The following VIPR2 variants were observed in gnomAD, a reference collection of about 807,000 sequenced individuals.
VIPR2 encodes vasoactive intestinal polypeptide receptor 2.
In VIPR2, 48 loss-of-function variants were observed where a neutral mutation model predicts 58.0. That is an observed-to-expected ratio of 0.83 (90% CI 0.66 to 1.05). The LOEUF is 1.05. Among genes scored for constraint, VIPR2 ranks in the 50% least tolerant of loss-of-function variants. VIPR2 has a pLI of 0.00. For synonymous variants in VIPR2, 243 were observed against 235.2 expected (o/e 1.03, Z -0.30); for missense variants, 534 against 558.0 (o/e 0.96, Z 0.43).
intron 2 of VIPR2, among the ~76,000 whole-genome samples, chr7:159,119,522 C>T (rs1796373477): frequency 6.6e-6 from 1 of 152,198 alleles, no homozygotes; most frequent in South Asian, 2.1e-4. Context: ...GTGGAGGCAG[C>T]GGTGCGAGGC....
intron 10 of VIPR2, 42 bp downstream of exon 10, chr7:159,034,170 CG>C: frequency 1.3e-6 from 2 of 1,593,340 alleles, no homozygotes; most frequent in Non-Finnish European, 1.7e-6. Context: ...TGTCTCCACA[CG>C]GCATCCCCAT....
intron 1 of VIPR2, among the ~76,000 whole-genome samples, chr7:159,143,102 G>T (rs954884700): frequency 5.3e-5 from 8 of 152,238 alleles, no homozygotes; most frequent in African/African-American, 1.9e-4. Flanking sequence ...GGAGGCAGAG[G>T]TGGGGGAATC....
rs1480061995 is a variant in VIPR2 at position 159,031,846 on chromosome 7, G to C, written c.1125C>G (p.Tyr375Ter). Residue 375 changes from tyrosine to a stop codon, truncating the protein, a stop_gained, in exon 12 of 13, where the codon TAC becomes TAG. Coordinates refer to ENST00000262178, the MANE Select transcript of VIPR2 (RefSeq NM_003382.5). LOFTEE classifies it low-confidence loss of function (END_TRUNC). The surrounding 1 kb of genome is among the most constrained non-coding windows in gnomAD (Gnocchi z 4.0). Reference protein sequence around the residue: ...SFQGLVVAVLYCFLNSEVQCE... With the variant: ...SFQGLVVAVL ...AACTTACCTCACTGTTCAGGAAACA[G>C]TAGAGGACGGCCACCACCAGGCCCT... 1.2e-6 allele frequency: 2 copies of C among 1,613,942 alleles called. No homozygotes were observed. Among genetic ancestry groups the C allele is most frequent in the African/African-American group, 1.3e-5 (1 of 74,930 alleles).
At chr7:159,137,962 T>C (rs1459008016) in intron 2 of VIPR2, among the ~76,000 whole-genome samples, 8 of 152,254 alleles carry the variant, frequency 5.3e-5, no homozygotes, top group African/African-American at 1.9e-4. Flanking sequence ...CCTACTTCTC[T>C]GCTCTCTGCC....
chr7:159,095,496 T>C lies in VIPR2; in HGVS notation c.357+8261A>G, dbSNP rs113961007. 9.0e-3 allele frequency among the ~76,000 whole-genome samples: 1,370 copies of C among 152,366 alleles called. 19 individuals carry two copies. Among genetic ancestry groups the C allele is most frequent in the African/African-American group, 0.031 (1,309 of 41,588 alleles). On this transcript the variant is annotated intron_variant, in intron 4 of 12. Coordinates refer to ENST00000262178, the MANE Select transcript of VIPR2 (RefSeq NM_003382.5). The surrounding 1 kb of genome is among the most constrained non-coding windows in gnomAD (Gnocchi z 5.2). ...GTTTCCTCTTTGTACTGACAAAGTC[T>C]GGGGTTCAAAGGCAAAGCACGTATA...
chr7:159,029,261 C>T lies in VIPR2; in HGVS notation c.*1355G>A, dbSNP rs1019537871. On this transcript the variant is annotated 3_prime_UTR_variant, in exon 13 of 13. Transcript: ENST00000262178. ...ACAACTGAGTCCCACAGTCGGGGCACCTGGGCCAGGGCTGGGCAGCTTGCT... is the reference window on the plus strand; with the variant it reads ...ACAACTGAGTCCCACAGTCGGGGCATCTGGGCCAGGGCTGGGCAGCTTGCT... 2 of 152,412 alleles carry T rather than the reference C, an allele frequency of 1.3e-5. No homozygotes were observed. The highest frequency in any genetic ancestry group is 1.3e-4 in the Admixed American group (2 of 15,278). 9.4% of individuals were successfully genotyped at this position (152,412 alleles called of 1,614,324 possible). A position where few individuals can be genotyped will look rare whatever the true frequency, so the allele number is the denominator to read the frequency against.
intron 8 of VIPR2, chr7:159,035,674 A>T (rs775784390): frequency 8.8e-4 from 863 of 984,364 alleles, no homozygotes; most frequent in Non-Finnish European, 9.5e-4. Context: ...CGCTGTGCCC[A>T]CCGCAGGGGC....
At position 159,120,887 on chromosome 7, in the gene VIPR2, A is replaced by G. The variant is rs186092313; in HGVS notation, c.152-10968T>C. Among the ~76,000 whole-genome samples, 30 of 152,312 alleles carry G rather than the reference A, an allele frequency of 2.0e-4. 1 individual carries two copies. Among genetic ancestry groups the G allele is most frequent in the African/African-American group, 6.3e-4 (26 of 41,572 alleles). The stretch of plus-strand genomic sequence containing the variant: ...GTCTAAGGTATGATTTGGTTTCCTT[A>G]TTTAATATGTTTGGCTCCAAACTTT... On this transcript the variant is annotated intron_variant, in intron 2 of 12. Coordinates refer to ENST00000262178, the MANE Select transcript of VIPR2 (RefSeq NM_003382.5).
chr7:159,119,120 T>C (rs1305207506), intron 2 of VIPR2, among the ~76,000 whole-genome samples: 2 of 152,280 alleles, frequency 1.3e-5, no homozygotes, highest in Non-Finnish European at 1.5e-5. Context: ...GGGGTCACCA[T>C]GTAGGGTGGT....
chr7:159,116,938 G>T, intron 2 of VIPR2: 1 of 200,640 alleles, frequency 5.0e-6, no homozygotes, highest in Non-Finnish European at 1.0e-5. Context: ...CTCTGGATTT[G>T]GATTTATTTT....
At chr7:159,120,712 C>A (rs536153490) in intron 2 of VIPR2, among the ~76,000 whole-genome samples, 170 of 152,326 alleles carry the variant, frequency 1.1e-3, no homozygotes, top group African/African-American at 3.9e-3. Context: ...GTGGCAGGTG[C>A]AGCTGTGCGG....
intron 2 of VIPR2, among the ~76,000 whole-genome samples, chr7:159,134,504 G>GT (rs1420951010): frequency 6.6e-6 from 1 of 152,156 alleles, no homozygotes; most frequent in African/African-American, 2.4e-5. Context: ...AAAAAACTGA[G>GT]TGGGTATACA....
intron 6 of VIPR2, among the ~76,000 whole-genome samples, chr7:159,039,230 G>A (rs1222046501): frequency 6.6e-6 from 1 of 152,148 alleles, no homozygotes; most frequent in Non-Finnish European, 1.5e-5. Context: ...AGGCCAAGGC[G>A]GGGGGATCAC....
intron 4 of VIPR2, among the ~76,000 whole-genome samples, chr7:159,072,343 A>G (rs1283992575): frequency 1.3e-5 from 2 of 152,266 alleles, no homozygotes; most frequent in Non-Finnish European, 2.9e-5. Context: ...TTAACAGTCA[A>G]CTTATTTTCC....
At chr7:159,106,132 A>C (rs1414586987) in intron 3 of VIPR2, among the ~76,000 whole-genome samples, 1 of 152,144 alleles carries the variant, frequency 6.6e-6, no homozygotes, top group Non-Finnish European at 1.5e-5. Context: ...TGAGCCTGGA[A>C]GCCAGGACCT....
intron 2 of VIPR2, among the ~76,000 whole-genome samples, chr7:159,134,655 TTTTC>T (rs1423561487): frequency 6.6e-6 from 1 of 151,894 alleles, no homozygotes; most frequent in Non-Finnish European, 1.5e-5. Flanking sequence ...TAGTGCAATA[TTTTC>T]TTTCTTTTTT....
In VIPR2 at chr7:159,097,282, A is replaced by G. The variant is rs1857919291; in HGVS notation, c.357+6475T>C. On this transcript the variant is annotated intron_variant, in intron 4 of 12. Coordinates refer to ENST00000262178, the MANE Select transcript of VIPR2 (RefSeq NM_003382.5). This position sits in a 1 kb window ranked among gnomAD's most constrained non-coding sequence, Gnocchi z 5.3. ...AGGCTTATTTTTAGGGATGTGGCGTAACACGGAAGAAATGTGTGCACTTGA... is the reference window on the plus strand; with the variant it reads ...AGGCTTATTTTTAGGGATGTGGCGTGACACGGAAGAAATGTGTGCACTTGA... 3 of 1,357,976 alleles carry G rather than the reference A, an allele frequency of 2.2e-6. No individual in the cohort carries two copies. The highest frequency in any genetic ancestry group is 2.8e-6 in the Non-Finnish European group (3 of 1,055,124). 84.1% of individuals were successfully genotyped at this position (1,357,976 alleles called of 1,614,324 possible).
chr7:159,031,371 A>G lies in VIPR2; in HGVS notation c.1143+457T>C. The G allele has an allele frequency of 1.1e-6, 1 of 940,600 alleles. No homozygotes were observed. The highest frequency in any genetic ancestry group is 1.3e-6 in the Non-Finnish European group (1 of 789,028). The allele number at this position is 940,600 out of a possible 1,614,324, so 58.3% of individuals were successfully genotyped here. A position where few individuals can be genotyped will look rare whatever the true frequency, so the allele number is the denominator to read the frequency against. ...GGGCCAGGCCGTTGGAGCAGCCCGG[A>G]GACAGCCTCCCTGGCTGGGAATGAA... On this transcript the variant is annotated intron_variant, in intron 12 of 12. Coordinates refer to ENST00000262178, the MANE Select transcript of VIPR2 (RefSeq NM_003382.5). This position sits in a 1 kb window ranked among gnomAD's most constrained non-coding sequence, Gnocchi z 4.0.
chr7:159,067,974 C>T (rs1856183127), intron 4 of VIPR2, among the ~76,000 whole-genome samples: 1 of 152,228 alleles, frequency 6.6e-6, no homozygotes, highest in South Asian at 2.1e-4. Flanking sequence ...CCCCTCTCTG[C>T]AGAGGTCCTT....
Sources: gnomAD v4.1 joint callset for allele counts (sites outside exome capture counted in the v4.1 genomes callset) on GRCh38, gnomAD v4.1.1 for gene constraint, Gnocchi (gnomAD v3.1) non-coding constraint, MANE v1.5 for transcripts, NCBI Gene and HGNC (gene_info 2026-07-23, HGNC 2026-07-21) for gene names.